MTUS2: variants seen among roughly 807,000 people sequenced by gnomAD.
The protein encoded by MTUS2 is microtubule associated scaffold protein 2, also known as microtubule-associated tumor suppressor candidate 2.
In MTUS2, 40 loss-of-function variants were observed where a neutral mutation model predicts 114.1. The ratio of observed to expected loss-of-function variants is 0.35; its 90% CI spans 0.27 to 0.46. The LOEUF (loss-of-function observed/expected upper bound fraction) is 0.46. Ranked by LOEUF, MTUS2 falls within the 20% of genes least tolerant of loss-of-function variation. MTUS2 has a pLI of 1.00. For synonymous variants in MTUS2, 688 were observed against 672.0 expected (o/e 1.02, Z -0.37); for missense variants, 1,679 against 1,705.4 (o/e 0.98, Z 0.27).
At chr13:29,312,088 T>C (rs1019457877) in intron 6 of MTUS2, among the ~76,000 whole-genome samples, 14 of 152,204 alleles carry the variant, frequency 9.2e-5, no homozygotes, top group African/African-American at 3.1e-4. Flanking sequence ...CCTTGCCCTC[T>C]TGACAAGTCT....
chr13:29,155,983 A>G (rs1892843214), intron 5 of MTUS2, among the ~76,000 whole-genome samples: 2 of 152,172 alleles, frequency 1.3e-5, no homozygotes, highest in South Asian at 2.1e-4. Context: ...GACAGTAACC[A>G]TAAACAGCCG....
intron 5 of MTUS2, among the ~76,000 whole-genome samples, chr13:29,107,656 C>T (rs1235538353): frequency 1.3e-5 from 2 of 152,144 alleles, no homozygotes; most frequent in African/African-American, 4.8e-5. Context: ...TTAGTAGTCT[C>T]ACAAGTATCC....
chr13:28,910,376 AT>A (rs1316999518), intron 2 of MTUS2, among the ~76,000 whole-genome samples: 5 of 151,328 alleles, frequency 3.3e-5, no homozygotes, highest in Non-Finnish European at 7.4e-5. Flanking sequence ...TTTTGTTCTT[AT>A]TTTTTTCCCC....
chr13:28,878,845 A>G lies in MTUS2; in HGVS notation c.-243+38995A>G, dbSNP rs138840260. On this transcript the variant is annotated intron_variant, in intron 2 of 15. Transcript: ENST00000612955. ...GATTGCTGTTCCTCTGAGTATATAC[A>G]CAGTAATGAGATTGCTGAGTCAAAT... 2.4e-3 allele frequency among the ~76,000 whole-genome samples: 368 copies of G among 152,290 alleles called. 1 individual carries two copies. Among genetic ancestry groups the G allele is most frequent in the African/African-American group, 8.4e-3 (349 of 41,576 alleles).
At chr13:28,984,333 C>T (rs1467663980) in intron 2 of MTUS2, among the ~76,000 whole-genome samples, 1 of 152,196 alleles carries the variant, frequency 6.6e-6, no homozygotes, top group Non-Finnish European at 1.5e-5. Context: ...CCTTCTACCC[C>T]TCCTTTCCTT....
At chr13:29,473,199 T>C (rs1880444725) in intron 9 of MTUS2, among the ~76,000 whole-genome samples, 1 of 152,178 alleles carries the variant, frequency 6.6e-6, no homozygotes, top group Admixed American at 6.5e-5. Context: ...TCATTTATTT[T>C]ATAGCTATTA....
intron 2 of MTUS2, among the ~76,000 whole-genome samples, chr13:28,892,045 T>C (rs1316189838): frequency 6.6e-6 from 1 of 152,058 alleles, no homozygotes; most frequent in African/African-American, 2.4e-5. Context: ...AGGGCTTCCC[T>C]TCCTGTTTCT....
intron 6 of MTUS2, among the ~76,000 whole-genome samples, chr13:29,317,432 C>CTTTTTTTTT (rs552766235): frequency 1.9e-5 from 1 of 51,666 alleles, no homozygotes; most frequent in African/African-American, 6.6e-5. Flanking sequence ...CTCTCTCTCT[C>CTTTTTTTTT]TTTTTTTTTT....
At chr13:29,261,562 A>G (rs1897472229) in intron 5 of MTUS2, among the ~76,000 whole-genome samples, 1 of 152,252 alleles carries the variant, frequency 6.6e-6, no homozygotes, top group Non-Finnish European at 1.5e-5. Flanking sequence ...GAACAGAAAA[A>G]ATCCAAGCTA....
At chr13:29,479,488 G>A (rs1880981884) in intron 9 of MTUS2, among the ~76,000 whole-genome samples, 1 of 152,212 alleles carries the variant, frequency 6.6e-6, no homozygotes, top group Admixed American at 6.5e-5. Context: ...TGGCACACCT[G>A]AAGCAAACCA....
At chr13:29,171,583 T>C (rs759239394) in intron 5 of MTUS2, among the ~76,000 whole-genome samples, 16 of 152,180 alleles carry the variant, frequency 1.1e-4, no homozygotes, top group Non-Finnish European at 2.4e-4. Context: ...AGATAAGGCA[T>C]GTAAGTTACA....
chr13:29,217,376 A>G (rs915808475), intron 5 of MTUS2, among the ~76,000 whole-genome samples: 22 of 152,250 alleles, frequency 1.4e-4, no homozygotes, highest in Middle Eastern at 3.2e-3. Context: ...ATTCTGTTTC[A>G]AACCACTGCT....
chr13:29,121,473 G>A (rs1173986333), intron 5 of MTUS2, among the ~76,000 whole-genome samples: 1 of 151,932 alleles, frequency 6.6e-6, no homozygotes, highest in Non-Finnish European at 1.5e-5. Flanking sequence ...AAGAGATAGA[G>A]TGAGTGAGCA....
intron 9 of MTUS2, among the ~76,000 whole-genome samples, chr13:29,465,475 T>A (rs117859929): frequency 2.0e-5 from 3 of 152,160 alleles, no homozygotes. Context: ...GCTGGAGGCA[T>A]CCCCGGTAAC....
intron 4 of MTUS2, among the ~76,000 whole-genome samples, chr13:29,098,832 A>C (rs537136056): frequency 6.6e-6 from 1 of 152,268 alleles, no homozygotes; most frequent in South Asian, 2.1e-4. Context: ...TTTTCTTCCA[A>C]AATATAGTTT....
At chr13:29,017,898 C>T (rs556888979) in intron 2 of MTUS2, among the ~76,000 whole-genome samples, 8 of 152,166 alleles carry the variant, frequency 5.3e-5, no homozygotes, top group South Asian at 2.1e-4. Flanking sequence ...ACACATGTAA[C>T]GATAATAATG....
chr13:28,979,161 C>T (rs1246481523), intron 2 of MTUS2, among the ~76,000 whole-genome samples: 1 of 152,148 alleles, frequency 6.6e-6, no homozygotes, highest in African/African-American at 2.4e-5. Flanking sequence ...TTGAGAGAAA[C>T]TTGTTTTAAG....
chr13:29,394,918 AC>A (rs1873797597), intron 8 of MTUS2, among the ~76,000 whole-genome samples: 1 of 150,888 alleles, frequency 6.6e-6, no homozygotes, highest in Admixed American at 6.6e-5. Context: ...ATCCTGAAAC[AC>A]CCCCCACCCG....
intron 5 of MTUS2, among the ~76,000 whole-genome samples, chr13:29,203,811 G>A (rs1299451343): frequency 6.6e-6 from 1 of 152,082 alleles, no homozygotes; most frequent in African/African-American, 2.4e-5. Context: ...CTCAGGTGAG[G>A]CAGCACCCCA....
Sources: gnomAD v4.1 joint callset for allele counts (sites outside exome capture counted in the v4.1 genomes callset) on GRCh38, gnomAD v4.1.1 for gene constraint, MANE v1.5 for transcripts, NCBI Gene and HGNC (gene_info 2026-07-23, HGNC 2026-07-21) for gene names.